KHDRBS2: variants seen among roughly 807,000 people sequenced by gnomAD.
KHDRBS2 encodes KH domain-containing, RNA-binding, signal transduction-associated protein 2.
In KHDRBS2, 26 loss-of-function variants were observed where a neutral mutation model predicts 44.3. That is an observed-to-expected ratio of 0.59 (90% confidence interval 0.43 to 0.81). The LOEUF is 0.81. Ranked by LOEUF, KHDRBS2 falls within the 40% of genes least tolerant of loss-of-function variation. The probability of loss-of-function intolerance (pLI) is 0.00; values close to 1 mark genes in which losing one functional copy is unlikely to be tolerated. For missense variants in KHDRBS2, 476 were observed against 433.1 expected (o/e 1.10, Z -0.88); for synonymous variants, 194 against 151.1 (o/e 1.28, Z -2.08).
chr6:61,660,629 G>T, the KHDRBS2 span, among the ~76,000 whole-genome samples: 1 of 151,686 alleles, frequency 6.6e-6, no homozygotes, highest in Non-Finnish European at 1.5e-5. Context: ...TTTTGTTTCA[G>T]AACAAATTAG....
intron 2 of KHDRBS2, among the ~76,000 whole-genome samples, chr6:62,139,753 T>C (rs1382314079): frequency 1.3e-5 from 2 of 152,162 alleles, no homozygotes; most frequent in Admixed American, 1.3e-4. Context: ...TCATTGACTT[T>C]TAACGATTAT....
At chr6:61,822,994 G>GTT (rs368791927) in intron 6 of KHDRBS2, among the ~76,000 whole-genome samples, 1 of 151,278 alleles carries the variant, frequency 6.6e-6, no homozygotes, top group East Asian at 1.9e-4. Context: ...TATGTGGGTA[G>GTT]TTTTTTTTTA....
At chr6:62,282,349 C>T (rs892323886) in intron 1 of KHDRBS2, among the ~76,000 whole-genome samples, 3 of 152,080 alleles carry the variant, frequency 2.0e-5, no homozygotes, top group African/African-American at 4.8e-5. Flanking sequence ...GAAAACCATT[C>T]GAACTGCTGG....
Position 61,706,042 on chromosome 6 carries a change from G to A in KHDRBS2, c.894-8789C>T, listed in dbSNP as rs536984185. Among the ~76,000 whole-genome samples the A allele has an allele frequency of 5.9e-5, 9 of 151,810 alleles. No homozygotes were observed. In the South Asian group the frequency reaches 1.2e-3, roughly 21 times the overall value. ...CCTGACACATAGTAAATGGAATATT[G>A]GCCAAATGAATAAACTGAAGTATTG... On this transcript the variant is annotated intron_variant, in intron 7 of 8. Transcript: ENST00000281156.
At chr6:61,870,745 G>T (rs1329356575) in intron 6 of KHDRBS2, among the ~76,000 whole-genome samples, 1 of 152,098 alleles carries the variant, frequency 6.6e-6, no homozygotes, top group East Asian at 1.9e-4. Context: ...GTCTGGAGTG[G>T]ACCTCCAGCA....
chr6:61,987,754 G>A (rs942593359), intron 3 of KHDRBS2, among the ~76,000 whole-genome samples: 1 of 152,132 alleles, frequency 6.6e-6, no homozygotes, highest in African/African-American at 2.4e-5. Flanking sequence ...TGTACAAATG[G>A]ATGCATATAA....
intron 3 of KHDRBS2, among the ~76,000 whole-genome samples, chr6:62,004,128 G>C (rs1055099824): frequency 3.9e-5 from 6 of 152,076 alleles, no homozygotes; most frequent in Non-Finnish European, 8.8e-5. Flanking sequence ...TCAAAAGCTA[G>C]CAGAAGGCAA....
chr6:61,826,833 A>C (rs1345502251), intron 6 of KHDRBS2, among the ~76,000 whole-genome samples: 1 of 152,136 alleles, frequency 6.6e-6, no homozygotes, highest in Non-Finnish European at 1.5e-5. Flanking sequence ...TTTTGAAAGC[A>C]GAGGACTTTC....
chr6:61,744,864 A>G (rs1490221252), intron 6 of KHDRBS2, among the ~76,000 whole-genome samples: 4 of 152,162 alleles, frequency 2.6e-5, no homozygotes, highest in South Asian at 2.1e-4. Flanking sequence ...CCTAACAAAC[A>G]TGGCTATTTT....
intron 6 of KHDRBS2, among the ~76,000 whole-genome samples, chr6:61,850,600 A>G (rs1795275402): frequency 6.6e-6 from 1 of 152,208 alleles, no homozygotes; most frequent in Admixed American, 6.5e-5. Flanking sequence ...GAAAAGGTCA[A>G]TCATGAAGGT....
chr6:61,971,174 C>T (rs1432304566), intron 4 of KHDRBS2, among the ~76,000 whole-genome samples: 3 of 152,108 alleles, frequency 2.0e-5, no homozygotes, highest in Non-Finnish European at 4.4e-5. Flanking sequence ...GTTATATATG[C>T]ATCCTTACAT....
At chr6:61,942,176 C>A (rs1812266493) in intron 4 of KHDRBS2, among the ~76,000 whole-genome samples, 1 of 152,018 alleles carries the variant, frequency 6.6e-6, no homozygotes, top group East Asian at 1.9e-4. Flanking sequence ...CCAGACATGT[C>A]TTGAACTCTT....
At chr6:62,204,318 A>G (rs1827579938) in intron 1 of KHDRBS2, among the ~76,000 whole-genome samples, 1 of 152,166 alleles carries the variant, frequency 6.6e-6, no homozygotes, top group South Asian at 2.1e-4. Context: ...GACTGCAACA[A>G]TGAGTTTGCT....
chr6:61,721,713 T>G (rs1463953402), intron 7 of KHDRBS2, among the ~76,000 whole-genome samples: 24 of 115,052 alleles, frequency 2.1e-4, no homozygotes, highest in Admixed American at 2.9e-4. Flanking sequence ...TATACAATCA[T>G]GTCATCTGCA....
chr6:61,962,413 C>T (rs1402076034), intron 4 of KHDRBS2, among the ~76,000 whole-genome samples: 1 of 152,014 alleles, frequency 6.6e-6, no homozygotes, highest in Non-Finnish European at 1.5e-5. Context: ...TAGATCTGTG[C>T]TCCATTTCAG....
At chr6:62,062,646 T>C (rs1052783738) in intron 2 of KHDRBS2, among the ~76,000 whole-genome samples, 1 of 148,846 alleles carries the variant, frequency 6.7e-6, no homozygotes, top group African/African-American at 2.5e-5. Flanking sequence ...GAGGGAAATT[T>C]ACAGCACTAA....
chr6:61,877,010 G>A (rs558836320), intron 6 of KHDRBS2, among the ~76,000 whole-genome samples: 1 of 151,952 alleles, frequency 6.6e-6, no homozygotes, highest in Non-Finnish European at 1.5e-5. Context: ...CTTGCCACCT[G>A]TTTTCATAAA....
chr6:61,732,856 G>T, intron 6 of KHDRBS2, 92 bp from the exon 7 acceptor site: 1 of 740,422 alleles, frequency 1.4e-6, no homozygotes. Context: ...ATGTGATCTT[G>T]GTTTAGATTT....
chr6:61,603,996 T>C, the KHDRBS2 span, among the ~76,000 whole-genome samples: 1 of 152,148 alleles, frequency 6.6e-6, no homozygotes, highest in Non-Finnish European at 1.5e-5. Context: ...TGTAGTATCT[T>C]CCACACTTAT....
Sources: gnomAD v4.1 joint callset for allele counts (sites outside exome capture counted in the v4.1 genomes callset) on GRCh38, gnomAD v4.1.1 for gene constraint, MANE v1.5 for transcripts, NCBI Gene and HGNC (gene_info 2026-07-23, HGNC 2026-07-21) for gene names.